HCN1: variants seen among roughly 807,000 people sequenced by gnomAD.
The protein encoded by HCN1 is hyperpolarization activated cyclic nucleotide gated potassium channel 1.
In HCN1, 13 loss-of-function variants were observed where a neutral mutation model predicts 78.9. The ratio of observed to expected loss-of-function variants is 0.16; its 90% CI spans 0.11 to 0.26. HCN1 has a LOEUF of 0.26. Among genes scored for constraint, HCN1 ranks in the 10% least tolerant of loss-of-function variants. The probability of loss-of-function intolerance (pLI) is 1.00; values close to 1 mark genes in which losing one functional copy is unlikely to be tolerated. For missense variants in HCN1, 810 were observed against 1,154.3 expected, an observed-to-expected ratio of 0.70 and a Z score of 4.32; for synonymous variants, 552 against 455.5, an observed-to-expected ratio of 1.21 and a Z score of -2.70.
chr5:45,526,130 T>G (rs915071905), intron 2 of HCN1, among the ~76,000 whole-genome samples: 2 of 152,048 alleles, frequency 1.3e-5, no homozygotes, highest in African/African-American at 2.4e-5. Context: ...AGCCACCCAC[T>G]GTGTGGTAAT....
chr5:45,559,285 C>T (rs1183643773), intron 2 of HCN1: 1 of 152,102 alleles, frequency 6.6e-6, no homozygotes, highest in Non-Finnish European at 1.5e-5. Context: ...GTATTTTCAA[C>T]TTTCAAGTCT....
At chr5:45,538,377 T>C (rs1743012386) in intron 2 of HCN1, among the ~76,000 whole-genome samples, 1 of 152,164 alleles carries the variant, frequency 6.6e-6, no homozygotes, top group Admixed American at 6.5e-5. Flanking sequence ...GCATGTATTG[T>C]ATAACAGCTA....
chr5:45,650,629 TATA>T (rs1745658076), intron 1 of HCN1, among the ~76,000 whole-genome samples: 1 of 152,026 alleles, frequency 6.6e-6, no homozygotes, highest in Non-Finnish European at 1.5e-5. Context: ...CACTAATAAG[TATA>T]ATATTAACTA....
chr5:45,328,334 T>G (rs1299707378), intron 5 of HCN1, among the ~76,000 whole-genome samples: 1 of 151,614 alleles, frequency 6.6e-6, no homozygotes, highest in Non-Finnish European at 1.5e-5. Flanking sequence ...GCATATAATT[T>G]TTTTCTCTCA....
Position 45,558,666 on chromosome 5 carries a change from T to G in HCN1, c.849+86519A>C, listed in dbSNP as rs1366314234. ...TAAGCAAATGCTCATTGCTCATTCC[T>G]AAAATCAAAGGGCCCTTAAAAATTA... On this transcript the variant is annotated intron_variant, in intron 2 of 7. Coordinates refer to ENST00000303230, the MANE Select transcript of HCN1 (RefSeq NM_021072.4). 2.6e-5 allele frequency: 4 copies of G among 152,108 alleles called. No homozygotes were observed. The East Asian group carries it at 7.7e-4, about 29-fold the overall frequency. 9.4% of individuals were successfully genotyped at this position (152,108 alleles called of 1,614,324 possible).
rs1205869080 is a variant in HCN1 at position 45,695,879 on chromosome 5, C to T, written c.215G>A (p.Gly72Asp). 2.0e-6 allele frequency: 3 copies of T among 1,523,800 alleles called. No individual in the cohort carries two copies. Among genetic ancestry groups the T allele is most frequent in the Admixed American group, 2.0e-5 (1 of 48,820 alleles). 94.4% of individuals were successfully genotyped at this position (1,523,800 alleles called of 1,614,324 possible). The change falls in exon 1 of 8, where the codon GGC becomes GAC. Residue 72 changes from glycine to aspartate, a missense_variant. Around this residue, in one of 6 missense-constraint regions of HCN1, gnomAD observed 170 missense variants for 166.8 expected, o/e 1.02. Coordinates refer to ENST00000303230, the MANE Select transcript of HCN1 (RefSeq NM_021072.4). ...GCCCCCCGCCGGCTCCTCGCCGCCG[C>T]CGCCGCCGCCGCCACCGCCGCCACC... ...DGGGGGGGGG[G>D]GGEEPAGGFE...
chr5:45,357,480 A>G (rs1747025419), intron 4 of HCN1, among the ~76,000 whole-genome samples: 1 of 152,074 alleles, frequency 6.6e-6, no homozygotes, highest in Admixed American at 6.6e-5. Context: ...ATATTTTCTG[A>G]AATTCTTAGA....
chr5:45,538,392 G>T lies in HCN1; in HGVS notation c.850-76385C>A, dbSNP rs75307098. On this transcript the variant is annotated intron_variant, in intron 2 of 7. Coordinates refer to ENST00000303230, the MANE Select transcript of HCN1 (RefSeq NM_021072.4). ...GCATGTATTGTATAACAGCTAAATA[G>T]AAAGTAATATCTAAGATGGTCTCTA... is the stretch of plus-strand genomic sequence containing the variant. 3.4e-3 allele frequency among the ~76,000 whole-genome samples: 511 copies of T among 152,146 alleles called. 3 individuals carry two copies. The highest frequency in any genetic ancestry group is 0.012 in the African/African-American group (496 of 41,540).
chr5:45,311,430 A>C (rs376424118), intron 5 of HCN1, among the ~76,000 whole-genome samples: 9 of 152,296 alleles, frequency 5.9e-5, no homozygotes, highest in African/African-American at 2.2e-4. Flanking sequence ...ATCAGCTTAT[A>C]TTAGAAAATT....
intron 4 of HCN1, among the ~76,000 whole-genome samples, chr5:45,370,186 T>A (rs1383711274): frequency 1.3e-5 from 2 of 152,012 alleles, no homozygotes; most frequent in African/African-American, 4.8e-5. Context: ...GTTCTTCAAA[T>A]AGACATAACT....
chr5:45,459,323 A>C (rs920458157), intron 3 of HCN1, among the ~76,000 whole-genome samples: 1 of 151,938 alleles, frequency 6.6e-6, no homozygotes, highest in African/African-American at 2.4e-5. Flanking sequence ...CCTTCTCTCT[A>C]CATTCGAGTT....
intron 2 of HCN1, among the ~76,000 whole-genome samples, chr5:45,490,735 T>C (rs1053996222): frequency 7.9e-5 from 12 of 152,324 alleles, no homozygotes; most frequent in Middle Eastern, 6.8e-3. Context: ...ACCTACCATG[T>C]ACTCACAATT....
chr5:45,372,559 C>CATTTACATATAAAAATATATAAAAT (rs1747425992), intron 4 of HCN1, among the ~76,000 whole-genome samples: 1 of 117,082 alleles, frequency 8.5e-6, no homozygotes, highest in Non-Finnish European at 1.7e-5. Context: ...ATATATAAAA[C>CATTTACATATAAAAATATATAAAAT]ATTTACATAT....
chr5:45,589,138 T>C (rs1392584717), intron 2 of HCN1, among the ~76,000 whole-genome samples: 2 of 152,132 alleles, frequency 1.3e-5, no homozygotes, highest in African/African-American at 2.4e-5. Context: ...CCCTCTCTAG[T>C]GTAACAGCAG....
At chr5:45,345,037 T>A (rs1372593630) in intron 5 of HCN1, among the ~76,000 whole-genome samples, 7 of 152,128 alleles carry the variant, frequency 4.6e-5, no homozygotes, top group Non-Finnish European at 7.4e-5. Context: ...TTTCCATACA[T>A]CCTCTGAAAT....
chr5:45,273,568 T>C (rs1212859959), intron 6 of HCN1, among the ~76,000 whole-genome samples: 1 of 152,164 alleles, frequency 6.6e-6, no homozygotes, highest in Admixed American at 6.5e-5. Flanking sequence ...CAGGAACTCA[T>C]GACAGAAATT....
chr5:45,444,903 G>T (rs1026025816), intron 3 of HCN1, among the ~76,000 whole-genome samples: 1 of 152,020 alleles, frequency 6.6e-6, no homozygotes, highest in South Asian at 2.1e-4. Context: ...TAGGGGAGGA[G>T]CCAAGATGGC....
rs1742104629 is a variant in HCN1, at chr5:45,498,540, A to G, written c.850-36533T>C. Among the ~76,000 whole-genome samples the G allele has an allele frequency of 5.3e-5, 8 of 152,010 alleles. No homozygotes were observed. The South Asian group carries it at 1.7e-3, about 32-fold the overall frequency. The stretch of plus-strand genomic sequence containing the variant: ...TTGCCTTTGGTTTGAATCTCCTCCC[A>G]TTGCTCGGAGTAATTTGATCGTCTG... On this transcript the variant is annotated intron_variant, in intron 2 of 7. Coordinates refer to ENST00000303230, the MANE Select transcript of HCN1 (RefSeq NM_021072.4).
intron 5 of HCN1, among the ~76,000 whole-genome samples, chr5:45,313,272 C>T (rs1192911399): frequency 6.6e-6 from 1 of 152,112 alleles, no homozygotes; most frequent in Non-Finnish European, 1.5e-5. Flanking sequence ...GAGTGAACCT[C>T]CAGCAAACTC....
Sources: gnomAD v4.1 joint callset for allele counts (sites outside exome capture counted in the v4.1 genomes callset) on GRCh38, gnomAD v4.1.1 for gene constraint, gnomAD v4.1.1 regional missense constraint, MANE v1.5 for transcripts, NCBI Gene and HGNC (gene_info 2026-07-23, HGNC 2026-07-21) for gene names.